Variants in CRB1 observed in about 807,000 individuals in gnomAD.
CRB1 encodes the protein protein crumbs homolog 1.
In CRB1, 83 loss-of-function variants were observed where a neutral mutation model predicts 120.0. The observed-to-expected ratio is 0.69, with a 90% CI of 0.58 to 0.83. The LOEUF is 0.83. CRB1 is among the 40% of genes least tolerant of loss of function. The pLI, the probability that CRB1 is intolerant of heterozygous loss-of-function variation, is 0.00. For missense variants in CRB1, 1,699 were observed against 1,687.6 expected, an observed-to-expected ratio of 1.01 and a Z score of -0.12; for synonymous variants, 625 against 612.5, an observed-to-expected ratio of 1.02 and a Z score of -0.30.
rs758160335 is a variant in CRB1 at position 197,359,349 on chromosome 1, G to GT, written c.1171+2349dup. 3.9e-3 allele frequency among the ~76,000 whole-genome samples: 563 copies of GT among 144,854 alleles called. 1 individual carries two copies. The highest frequency in any genetic ancestry group is 4.1e-3 in the Admixed American group (59 of 14,470). On this transcript the variant is annotated intron_variant, in intron 5 of 11. Coordinates refer to ENST00000367400, the MANE Select transcript of CRB1 (RefSeq NM_201253.3). ...CAATATGTAAAGTTTTAGAATAAGA[G>GT]TTTTTTTTTTTTTCCACTCAGCATC...
intron 1 of CRB1, among the ~76,000 whole-genome samples, chr1:197,282,933 G>T (rs1655609228): frequency 6.6e-6 from 1 of 151,606 alleles, no homozygotes; most frequent in African/African-American, 2.4e-5. Context: ...CTTTCTGGTT[G>T]TCTTGATTCT....
intron 5 of CRB1, among the ~76,000 whole-genome samples, chr1:197,416,837 G>A (rs1571511410): frequency 6.6e-6 from 1 of 152,088 alleles, no homozygotes; most frequent in Admixed American, 6.5e-5. Context: ...AGCCTCTTGA[G>A]TAGCTGGGAT....
chr1:197,353,204 GCAATA>G (rs1660205800), intron 4 of CRB1, among the ~76,000 whole-genome samples: 1 of 152,144 alleles, frequency 6.6e-6, no homozygotes, highest in Admixed American at 6.5e-5. Flanking sequence ...TTCTGAGAAA[GCAATA>G]CAAGATAAAG....
the CRB1 span, among the ~76,000 whole-genome samples, chr1:197,239,002 A>G: frequency 6.6e-6 from 1 of 151,612 alleles, no homozygotes; most frequent in East Asian, 1.9e-4. Context: ...TGTATGGAAC[A>G]GTATTGCCTT....
intron 11 of CRB1, among the ~76,000 whole-genome samples, chr1:197,457,975 G>A (rs1197536564): frequency 6.6e-6 from 1 of 151,972 alleles, no homozygotes; most frequent in African/African-American, 2.4e-5. Context: ...CCTTGCTTTT[G>A]TTGATTATTA....
intron 2 of CRB1, among the ~76,000 whole-genome samples, chr1:197,331,405 CTTAA>C (rs959712555): frequency 5.9e-5 from 9 of 152,068 alleles, no homozygotes; most frequent in Non-Finnish European, 1.2e-4. Context: ...TATCAAGTGA[CTTAA>C]TTGTCAATAC....
chr1:197,249,458 T>C, the CRB1 span, among the ~76,000 whole-genome samples: 2 of 151,914 alleles, frequency 1.3e-5, no homozygotes, highest in African/African-American at 2.4e-5. Flanking sequence ...GGAAATATGG[T>C]TAGAGACTAG....
the CRB1 span, chr1:197,222,411 C>T: frequency 1.3e-6 from 1 of 767,838 alleles, no homozygotes; most frequent in Non-Finnish European, 2.4e-6. Context: ...AGTAGGTGAC[C>T]TATTTCATCG....
At chr1:197,399,564 TA>T (rs1455291322) in intron 5 of CRB1, among the ~76,000 whole-genome samples, 1 of 152,228 alleles carries the variant, frequency 6.6e-6, no homozygotes, top group African/African-American at 2.4e-5. Context: ...TTTTGTCATG[TA>T]TTAGTAAACT....
chr1:197,376,780 T>C (rs1395826068), intron 5 of CRB1, among the ~76,000 whole-genome samples: 1 of 152,142 alleles, frequency 6.6e-6, no homozygotes, highest in Non-Finnish European at 1.5e-5. Flanking sequence ...ATCATGTGAG[T>C]CTTCCATTCA....
At chr1:197,269,591 GC>G (rs929403079) in intron 1 of CRB1, among the ~76,000 whole-genome samples, 5 of 151,984 alleles carry the variant, frequency 3.3e-5, no homozygotes, top group African/African-American at 1.2e-4. Context: ...CTTAATGTGG[GC>G]CCCAGGCAAT....
At chr1:197,441,881 G>A (rs1006527964) in intron 10 of CRB1, 1 of 422,132 alleles carries the variant, frequency 2.4e-6, no homozygotes, top group South Asian at 2.3e-5. Context: ...TGTAGGCATG[G>A]CCCACTTTTC....
the CRB1 span, among the ~76,000 whole-genome samples, chr1:197,261,564 C>G: frequency 6.6e-6 from 1 of 152,144 alleles, no homozygotes; most frequent in African/African-American, 2.4e-5. Context: ...ATCTATCCAT[C>G]ATCTATCAAT....
At position 197,274,991 on chromosome 1, in the gene CRB1, T is replaced by C. The variant is rs77678978; in HGVS notation, c.70+6509T>C. ...AATCAAAGGTAAGAAGCCCCTTGCT[T>C]CCACTGAGACTCCACTTGGAATCCT... On this transcript the variant is annotated intron_variant, in intron 1 of 11. Transcript: ENST00000367400. Among the ~76,000 whole-genome samples the C allele has an allele frequency of 7.2e-3, 1,089 of 152,132 alleles. 16 individuals are homozygous for C. Among genetic ancestry groups the C allele is most frequent in the African/African-American group, 0.023 (943 of 41,540 alleles).
chr1:197,361,728 G>C (rs1660779487), intron 5 of CRB1, among the ~76,000 whole-genome samples: 1 of 151,068 alleles, frequency 6.6e-6, no homozygotes, highest in African/African-American at 2.4e-5. Context: ...CCCCTTTTAT[G>C]TCCACCTTTT....
chr1:197,232,834 A>T, the CRB1 span, among the ~76,000 whole-genome samples: 1 of 152,146 alleles, frequency 6.6e-6, no homozygotes, highest in Non-Finnish European at 1.5e-5. Flanking sequence ...GCTTAAACTC[A>T]GAATCTGAGT....
chr1:197,428,900 A>G (rs1664731205), intron 7 of CRB1: 3 of 1,456,818 alleles, frequency 2.1e-6, no homozygotes, highest in Non-Finnish European at 2.8e-6. Flanking sequence ...TTCTTTTTAA[A>G]TACTTTCATT....
intron 2 of CRB1, among the ~76,000 whole-genome samples, chr1:197,336,839 T>C (rs1659184192): frequency 6.6e-6 from 1 of 152,194 alleles, no homozygotes; most frequent in African/African-American, 2.4e-5. Flanking sequence ...CTGGTAATGT[T>C]GGTTGGAGTC....
At chr1:197,316,932 AC>A (rs1657886389) in intron 1 of CRB1, among the ~76,000 whole-genome samples, 1 of 152,134 alleles carries the variant, frequency 6.6e-6, no homozygotes, top group East Asian at 1.9e-4. Context: ...ACAAAAAAAA[AC>A]CCAGAATGCC....
Sources: allele counts gnomAD v4.1 joint callset (sites outside exome capture counted in the v4.1 genomes callset), GRCh38; gene constraint gnomAD v4.1.1; transcripts MANE v1.5; gene names NCBI Gene and HGNC (gene_info 2026-07-23, HGNC 2026-07-21).